Variants in NKAIN3 observed in about 807,000 individuals in gnomAD.
NKAIN3 encodes the protein sodium/potassium-transporting ATPase subunit beta-1-interacting protein 3.
In NKAIN3, 25 loss-of-function variants were observed where a neutral mutation model predicts 30.2. The observed-to-expected ratio is 0.83, with a 90% CI of 0.60 to 1.16. The LOEUF (loss-of-function observed/expected upper bound fraction) is 1.16. Ranked by LOEUF, NKAIN3 falls within the 50% of genes most tolerant of loss-of-function variation. The pLI is 0.00. For synonymous variants in NKAIN3, 91 were observed against 89.6 expected, an observed-to-expected ratio of 1.02 and a Z score of -0.09; for missense variants, 225 against 254.1, an observed-to-expected ratio of 0.89 and a Z score of 0.78.
At chr8:62,760,741 C>T (rs548938088) in intron 4 of NKAIN3, among the ~76,000 whole-genome samples, 6 of 152,020 alleles carry the variant, frequency 3.9e-5, no homozygotes, top group African/African-American at 9.7e-5. Context: ...CAAACCTGCA[C>T]ATTGTGCACA....
chr8:62,630,861 T>C (rs1166248493), intron 3 of NKAIN3, among the ~76,000 whole-genome samples: 1 of 152,152 alleles, frequency 6.6e-6, no homozygotes, highest in Admixed American at 6.6e-5. Context: ...CTCCCCCAAC[T>C]GCTAGATCTT....
chr8:62,719,865 T>C (rs1420189923), intron 3 of NKAIN3, among the ~76,000 whole-genome samples: 1 of 149,252 alleles, frequency 6.7e-6, no homozygotes, highest in Non-Finnish European at 1.5e-5. Context: ...CACGCCATTC[T>C]CCTGCCTCAG....
intron 3 of NKAIN3, among the ~76,000 whole-genome samples, chr8:62,730,232 C>A (rs558572423): frequency 4.0e-5 from 6 of 151,660 alleles, no homozygotes; most frequent in East Asian, 1.9e-4. Context: ...TAATTTATTT[C>A]TTGTTATATT....
intron 5 of NKAIN3, among the ~76,000 whole-genome samples, chr8:62,951,692 A>G (rs1264507446): frequency 6.6e-6 from 1 of 152,068 alleles, no homozygotes; most frequent in African/African-American, 2.4e-5. Flanking sequence ...CAAACTCCTG[A>G]GCCCAAGCAA....
intron 3 of NKAIN3, among the ~76,000 whole-genome samples, chr8:62,628,674 T>C (rs1811861200): frequency 6.6e-6 from 1 of 152,156 alleles, no homozygotes; most frequent in South Asian, 2.1e-4. Context: ...GTTCTTAATG[T>C]CTTTGCATAG....
Position 62,482,734 on chromosome 8 carries a change from C to T in NKAIN3, c.55-96805C>T, listed in dbSNP as rs1181644756. The T allele has an allele frequency of 2.6e-5, 4 of 152,224 alleles. No homozygotes were observed. In the South Asian group the frequency reaches 6.2e-4, roughly 24 times the overall value. The allele number at this position is 152,224 out of a possible 1,614,324, so 9.4% of individuals were successfully genotyped here. ...TCCCTTCGGGGTCACCGCAGACCTA[C>T]ATTTGCAGGGGCCGGCCGTGCTAGA... On this transcript the variant is annotated intron_variant, in intron 1 of 6. Coordinates refer to ENST00000623646, the MANE Select transcript of NKAIN3 (RefSeq NM_001304533.3).
chr8:62,969,665 G>A lies in NKAIN3; in HGVS notation c.*4258G>A, dbSNP rs968984780. 6.6e-6 allele frequency among the ~76,000 whole-genome samples: 1 copy of A among 152,118 alleles called. No individual in the cohort carries two copies. The highest frequency in any genetic ancestry group is 6.6e-5 in the Admixed American group (1 of 15,262). On this transcript the variant is annotated 3_prime_UTR_variant, in exon 7 of 7. Coordinates refer to ENST00000623646, the MANE Select transcript of NKAIN3 (RefSeq NM_001304533.3). ...TTTCCAGGTATAGCTGAATTAAGTA[G>A]GAAAAATATAAATAATTGCTCTTTT... is the stretch of plus-strand genomic sequence containing the variant.
intron 4 of NKAIN3, among the ~76,000 whole-genome samples, chr8:62,869,665 C>G (rs1295595939): frequency 6.6e-6 from 1 of 152,186 alleles, no homozygotes; most frequent in South Asian, 2.1e-4. Flanking sequence ...CTACTTGCAC[C>G]AGCAACCCCT....
At chr8:62,738,006 T>C (rs898994674) in intron 3 of NKAIN3, among the ~76,000 whole-genome samples, 8 of 152,166 alleles carry the variant, frequency 5.3e-5, no homozygotes. Context: ...AGTAGAATGA[T>C]TTATAATCCT....
intron 1 of NKAIN3, among the ~76,000 whole-genome samples, chr8:62,421,876 C>A (rs1804652242): frequency 6.6e-6 from 1 of 151,998 alleles, no homozygotes; most frequent in African/African-American, 2.4e-5. Context: ...CAATGTGGAG[C>A]TATGATGTCA....
intron 4 of NKAIN3, among the ~76,000 whole-genome samples, chr8:62,772,281 T>C (rs1817040487): frequency 6.6e-6 from 1 of 152,240 alleles, no homozygotes; most frequent in Non-Finnish European, 1.5e-5. Flanking sequence ...TGTGTATGTA[T>C]ACCACATTTT....
At chr8:62,464,743 T>C (rs1036418343) in intron 1 of NKAIN3, among the ~76,000 whole-genome samples, 9 of 152,350 alleles carry the variant, frequency 5.9e-5, no homozygotes, top group Non-Finnish European at 1.0e-4. Flanking sequence ...TTTTTAGTCC[T>C]GACTCTGAAA....
At chr8:62,931,403 T>C (rs1822615418) in intron 5 of NKAIN3, among the ~76,000 whole-genome samples, 1 of 152,220 alleles carries the variant, frequency 6.6e-6, no homozygotes, top group South Asian at 2.1e-4. Context: ...AAAAAGATTT[T>C]ATATACCAAG....
intron 1 of NKAIN3, among the ~76,000 whole-genome samples, chr8:62,512,851 A>G (rs1182226271): frequency 1.3e-5 from 2 of 152,118 alleles, no homozygotes; most frequent in Non-Finnish European, 2.9e-5. Context: ...TCTTTTATTT[A>G]TCATGGTTTT....
chr8:62,510,536 T>G (rs1156779880), intron 1 of NKAIN3, among the ~76,000 whole-genome samples: 1 of 152,142 alleles, frequency 6.6e-6, no homozygotes, highest in Non-Finnish European at 1.5e-5. Context: ...GTTACGATTT[T>G]CTGGGATTAA....
chr8:62,570,706 G>T (rs1470491221), intron 1 of NKAIN3, among the ~76,000 whole-genome samples: 1 of 152,034 alleles, frequency 6.6e-6, no homozygotes, highest in African/African-American at 2.4e-5. Flanking sequence ...TTTGGGTGGG[G>T]ACACAGAGCC....
chr8:62,587,457 A>C (rs998107578), intron 2 of NKAIN3, among the ~76,000 whole-genome samples: 8 of 152,012 alleles, frequency 5.3e-5, no homozygotes, highest in African/African-American at 1.9e-4. Context: ...ACATATATGA[A>C]TAAAAATTTG....
chr8:62,748,182 G>C (rs941110302), intron 4 of NKAIN3, among the ~76,000 whole-genome samples: 2 of 152,096 alleles, frequency 1.3e-5, no homozygotes, highest in Non-Finnish European at 2.9e-5. Context: ...ATTAGATAAG[G>C]TCACCCATAT....
chr8:62,500,487 AGAAAAG>A (rs1807408460), intron 1 of NKAIN3, among the ~76,000 whole-genome samples: 3 of 139,372 alleles, frequency 2.2e-5, no homozygotes, highest in Non-Finnish European at 4.6e-5. Flanking sequence ...GAAAGAAAGA[AGAAAAG>A]AAAGAAAGAA....
Sources: gnomAD v4.1 joint callset for allele counts (sites outside exome capture counted in the v4.1 genomes callset) on GRCh38, gnomAD v4.1.1 for gene constraint, MANE v1.5 for transcripts, NCBI Gene and HGNC (gene_info 2026-07-23, HGNC 2026-07-21) for gene names.